Variants in PRR11 observed in about 807,000 individuals in gnomAD.
PRR11 encodes proline rich 11.
Under a neutral mutation model 45.6 loss-of-function variants are expected in PRR11, and 30 were observed. The observed-to-expected ratio is 0.66, with a 90% CI of 0.49 to 0.89. The LOEUF (loss-of-function observed/expected upper bound fraction) is 0.89. Ranked by LOEUF, PRR11 falls within the 40% of genes least tolerant of loss-of-function variation. The pLI is 0.00. For synonymous variants in PRR11, 128 were observed against 153.5 expected (o/e 0.83, Z 1.23); for missense variants, 373 against 424.8 (o/e 0.88, Z 1.07).
At chr17:59,169,704 A>G in intron 1 of PRR11, 44 bp from the exon 2 acceptor site, 2 of 1,445,350 alleles carry the variant, frequency 1.4e-6, no homozygotes, top group Non-Finnish European at 1.9e-6. Context: ...TTCTATATGT[A>G]TATATTATTC....
chr17:59,206,309 T>C lies in PRR11; in HGVS notation c.*4678T>C, dbSNP rs2147861437. ...TGAGCCCGGGAGGTTGAGGCTGCAG[T>C]GAGCTGTGTTTATACCACTGCACTC... On this transcript the variant is annotated 3_prime_UTR_variant, in exon 10 of 10. Transcript: ENST00000262293. Among the ~76,000 whole-genome samples the C allele has an allele frequency of 6.6e-6, 1 of 152,094 alleles. No individual in the cohort carries two copies. The highest frequency in any genetic ancestry group is 1.9e-4 in the East Asian group (1 of 5,176).
chr17:59,162,253 G>C (rs1437502913), intron 1 of PRR11, among the ~76,000 whole-genome samples: 13 of 144,996 alleles, frequency 9.0e-5, no homozygotes, highest in African/African-American at 2.2e-4. Flanking sequence ...CACACACAGA[G>C]AGAGAGAGAG....
At chr17:59,160,941 T>C (rs1313534175) in intron 1 of PRR11, 1 of 151,596 alleles carries the variant, frequency 6.6e-6, no homozygotes, top group East Asian at 1.9e-4. Flanking sequence ...CTCACTGTGT[T>C]GCCCAGAGTG....
In PRR11 at chr17:59,203,842, A is replaced by G. The variant is rs1411609123; in HGVS notation, c.*2211A>G. ...AGCAAGAGACCCTGTCTCAAAAAAA[A>G]AAAAAAAAAATTAAATGGGTAGTGA... On this transcript the variant is annotated 3_prime_UTR_variant, in exon 10 of 10. Transcript: ENST00000262293. 7.2e-5 allele frequency: 11 copies of G among 151,872 alleles called. No individual in the cohort carries two copies. The highest frequency in any genetic ancestry group is 2.2e-4 in the African/African-American group (9 of 41,432). The allele number at this position is 151,872 out of a possible 1,614,324, so 9.4% of individuals were successfully genotyped here.
chr17:59,177,593 G>T (rs1245402604), intron 2 of PRR11, among the ~76,000 whole-genome samples: 3 of 152,144 alleles, frequency 2.0e-5, no homozygotes, highest in African/African-American at 7.2e-5. Flanking sequence ...GGGGCTAGGA[G>T]CTTCAGGGCT....
At position 59,193,650 on chromosome 17, in the gene PRR11, TCCTCCA is replaced by T; in HGVS notation, c.572_577del (p.Pro191_Pro192del). On this transcript the variant is annotated inframe_deletion, in exon 5 of 10. Transcript: ENST00000262293. ...AGCCAGCCAGCCATTTTCCTCCTCC[TCCTCCA>T]CCTCCACCTCTGCCACCTCCTCCAC... The T allele has an allele frequency of 6.2e-7, 1 of 1,613,978 alleles. No individual in the cohort carries two copies. Among genetic ancestry groups the T allele is most frequent in the East Asian group, 2.2e-5 (1 of 44,860 alleles).
intron 4 of PRR11, among the ~76,000 whole-genome samples, chr17:59,192,642 A>G (rs994449458): frequency 4.6e-5 from 7 of 152,138 alleles, no homozygotes; most frequent in South Asian, 2.1e-4. Flanking sequence ...GTGTGAGTAC[A>G]TTCCTGATAT....
At chr17:59,166,125 T>G (rs747480697) in intron 1 of PRR11, among the ~76,000 whole-genome samples, 7 of 152,196 alleles carry the variant, frequency 4.6e-5, no homozygotes, top group Non-Finnish European at 8.8e-5. Flanking sequence ...TTTTACAACC[T>G]GCAACAGGGT....
At chr17:59,164,118 A>G (rs940904674) in intron 1 of PRR11, among the ~76,000 whole-genome samples, 2 of 152,180 alleles carry the variant, frequency 1.3e-5, no homozygotes, top group African/African-American at 4.8e-5. Flanking sequence ...TCAGTCATAA[A>G]TAAAATTTTA....
At chr17:59,186,288 T>A (rs930028994) in intron 4 of PRR11, among the ~76,000 whole-genome samples, 10 of 150,222 alleles carry the variant, frequency 6.7e-5, no homozygotes, top group Non-Finnish European at 1.5e-4. Context: ...TTTTTGGCCA[T>A]CCTTATTTTC....
chr17:59,164,594 A>G (rs528190058), intron 1 of PRR11, among the ~76,000 whole-genome samples: 62 of 152,282 alleles, frequency 4.1e-4, no homozygotes, highest in Non-Finnish European at 7.6e-4. Context: ...AGGGCTCCCA[A>G]TCAGTGGACT....
At chr17:59,182,389 CTTTTTTTTT>C (rs147890743) in intron 2 of PRR11, among the ~76,000 whole-genome samples, 7 of 107,360 alleles carry the variant, frequency 6.5e-5, no homozygotes, top group African/African-American at 2.7e-4. Context: ...TCTGACCCTT[CTTTTTTTTT>C]TTTTTTTTTT....
chr17:59,177,855 A>G (rs919746278), intron 2 of PRR11, among the ~76,000 whole-genome samples: 2 of 152,164 alleles, frequency 1.3e-5, no homozygotes, highest in Admixed American at 1.3e-4. Flanking sequence ...TTGTATAAAA[A>G]TTATTCGAGC....
chr17:59,195,608 A>G (rs2046862241), intron 7 of PRR11, among the ~76,000 whole-genome samples, 165 bp downstream of exon 7: 1 of 152,220 alleles, frequency 6.6e-6, no homozygotes, highest in South Asian at 2.1e-4. Flanking sequence ...AGTTTAAAAA[A>G]GAAAACAAAA....
At chr17:59,186,601 C>A (rs2147850313) in intron 4 of PRR11, among the ~76,000 whole-genome samples, 1 of 149,730 alleles carries the variant, frequency 6.7e-6, no homozygotes, top group South Asian at 2.1e-4. Flanking sequence ...CACTTTGTTG[C>A]CCAGGCTAGT....
At chr17:59,171,361 A>T (rs1599694056) in intron 2 of PRR11, among the ~76,000 whole-genome samples, 1 of 152,332 alleles carries the variant, frequency 6.6e-6, no homozygotes, top group Non-Finnish European at 1.5e-5. Context: ...TCAAATAAAA[A>T]TTTATTTTTA....
At chr17:59,172,942 C>T (rs377393353) in intron 2 of PRR11, among the ~76,000 whole-genome samples, 16 of 152,372 alleles carry the variant, frequency 1.1e-4, no homozygotes, top group East Asian at 5.8e-4. Flanking sequence ...TCCAACTGCC[C>T]TCCCGGTGCG....
chr17:59,160,044 C>G lies in PRR11; in HGVS notation c.-6+4239C>G, dbSNP rs1382500678. 2.6e-5 allele frequency among the ~76,000 whole-genome samples: 4 copies of G among 151,718 alleles called. No homozygotes were observed. The East Asian group carries it at 5.8e-4, about 22-fold the overall frequency. On this transcript the variant is annotated intron_variant, in intron 1 of 9. Transcript: ENST00000262293. The stretch of plus-strand genomic sequence containing the variant: ...TATCACTATATGTTGTTGAATTAAA[C>G]TTGTATTTTAAAAAATCTGATATAG...
intron 4 of PRR11, among the ~76,000 whole-genome samples, chr17:59,192,474 A>C (rs1244561636): frequency 6.6e-6 from 1 of 152,150 alleles, no homozygotes; most frequent in African/African-American, 2.4e-5. Context: ...AGCTGCCATA[A>C]CAAAATACCA....
Sources: allele counts gnomAD v4.1 joint callset (sites outside exome capture counted in the v4.1 genomes callset), GRCh38; gene constraint gnomAD v4.1.1; transcripts MANE v1.5; gene names NCBI Gene and HGNC (gene_info 2026-07-23, HGNC 2026-07-21).